PCDH15: variants seen among roughly 807,000 people sequenced by gnomAD.
PCDH15 encodes protocadherin-15.
A neutral mutation model predicts 178.5 loss-of-function variants in PCDH15; 129 were observed. The ratio of observed to expected loss-of-function variants is 0.72; its 90% confidence interval spans 0.63 to 0.84. PCDH15 has a LOEUF of 0.84. PCDH15 is among the 40% of genes least tolerant of loss of function. PCDH15 has a pLI of 0.00. For synonymous variants in PCDH15, 800 were observed against 732.0 expected, an observed-to-expected ratio of 1.09 and a Z score of -1.50; for missense variants, 2,230 against 2,099.9, an observed-to-expected ratio of 1.06 and a Z score of -1.21.
At position 54,153,082 on chromosome 10, in the gene PCDH15, G is replaced by T. The variant is rs374456898; in HGVS notation, c.1784+18C>A. The T allele has an allele frequency of 5.6e-6, 9 of 1,613,136 alleles. No individual in the cohort carries two copies. Among genetic ancestry groups the T allele is most frequent in the Admixed American group, 5.0e-5 (3 of 59,918 alleles). On this transcript the variant is annotated intron_variant, in intron 14 of 37. Transcript: ENST00000644397. Reference sequence around the variant, plus strand: ...ACGGGCCCGATGAAAAGACTGCATTGGTTCTAATATAAATTACCTTCGCTC... The same window carrying T: ...ACGGGCCCGATGAAAAGACTGCATTTGTTCTAATATAAATTACCTTCGCTC...
intron 2 of PCDH15, among the ~76,000 whole-genome samples, chr10:55,451,938 C>T (rs988201572): frequency 2.4e-4 from 37 of 152,172 alleles, no homozygotes; most frequent in Non-Finnish European, 5.9e-5. Flanking sequence ...GATATCACAA[C>T]ATATTCCAGG....
intron 1 of PCDH15, among the ~76,000 whole-genome samples, chr10:54,786,261 G>A (rs996334092): frequency 1.1e-4 from 16 of 151,948 alleles, no homozygotes; most frequent in Admixed American, 7.2e-4. Flanking sequence ...TTAAAGTCTC[G>A]AATGTAGCTT....
chr10:54,434,501 C>G (rs180877341), intron 3 of PCDH15, among the ~76,000 whole-genome samples: 3 of 152,288 alleles, frequency 2.0e-5, no homozygotes, highest in Admixed American at 2.0e-4. Context: ...TTATAGTTGG[C>G]TACAATTTCC....
In PCDH15 at chr10:54,074,372, C is replaced by T. The variant is rs146491221; in HGVS notation, c.2091+4959G>A. Among the ~76,000 whole-genome samples, 1,377 of 152,276 alleles carry T rather than the reference C, an allele frequency of 9.0e-3. 16 individuals carry two copies. The highest frequency in any genetic ancestry group is 0.032 in the African/African-American group (1,310 of 41,550). The stretch of plus-strand genomic sequence containing the variant: ...TTCTCTTTTCTTTATCCTCTGGCAA[C>T]CATCATTCTACTTTGAGTCTTTGTG... On this transcript the variant is annotated intron_variant, in intron 17 of 37. Transcript: ENST00000644397.
chr10:55,440,377 A>G (rs1298758059), intron 2 of PCDH15, among the ~76,000 whole-genome samples: 1 of 152,196 alleles, frequency 6.6e-6, no homozygotes, highest in Non-Finnish European at 1.5e-5. Context: ...ATGCATAAGA[A>G]TATAGAAAAG....
chr10:54,797,507 AACAC>A (rs71014418), intron 1 of PCDH15, among the ~76,000 whole-genome samples: 2,185 of 145,244 alleles, frequency 0.015, 22 homozygotes, highest in South Asian at 0.029. Flanking sequence ...TTATTGTTGA[AACAC>A]ACACACACAC....
chr10:54,365,024 C>G (rs1453178337), intron 5 of PCDH15, among the ~76,000 whole-genome samples: 1 of 152,096 alleles, frequency 6.6e-6, no homozygotes, highest in East Asian at 1.9e-4. Context: ...TTATCCAGTT[C>G]CTCTTCCCTT....
chr10:54,367,924 C>T (rs1589065583), intron 5 of PCDH15, among the ~76,000 whole-genome samples: 1 of 151,244 alleles, frequency 6.6e-6, no homozygotes, highest in African/African-American at 2.4e-5. Context: ...AGCACTCAAC[C>T]GAACAAAGCA....
chr10:55,290,764 A>G (rs940068284), intron 1 of PCDH15, among the ~76,000 whole-genome samples: 8 of 152,162 alleles, frequency 5.3e-5, no homozygotes, highest in Non-Finnish European at 1.2e-4. Flanking sequence ...ACAATAATAT[A>G]GAATTAGCCA....
chr10:55,171,428 A>G (rs72801675), intron 1 of PCDH15, among the ~76,000 whole-genome samples: 1 of 152,320 alleles, frequency 6.6e-6, no homozygotes, highest in Non-Finnish European at 1.5e-5. Flanking sequence ...CTAATGACTC[A>G]TAAATTGTGT....
chr10:54,858,971 G>A (rs900275095), intron 3 of PCDH15, among the ~76,000 whole-genome samples: 1 of 151,990 alleles, frequency 6.6e-6, no homozygotes, highest in African/African-American at 2.4e-5. Context: ...AGGTTTAAAG[G>A]AGACATATAC....
intron 1 of PCDH15, among the ~76,000 whole-genome samples, chr10:55,249,747 T>C (rs11004786): frequency 0.28 from 43,142 of 151,748 alleles, 6,309 homozygotes; most frequent in Middle Eastern, 0.37. Flanking sequence ...GAAAATAAAA[T>C]AAATATTGTC....
chr10:55,462,161 A>G (rs2132093815), intron 2 of PCDH15, among the ~76,000 whole-genome samples: 1 of 152,282 alleles, frequency 6.6e-6, no homozygotes, highest in Non-Finnish European at 1.5e-5. Flanking sequence ...TATAGTACAG[A>G]GTTTCATATA....
In PCDH15 at chr10:55,129,536, T is replaced by C. The variant is rs573035300; in HGVS notation, c.-80+37040A>G. Among the ~76,000 whole-genome samples the C allele has an allele frequency of 2.0e-5, 3 of 152,252 alleles. No homozygotes were observed. The East Asian group carries it at 5.8e-4, about 29-fold the overall frequency. Reference sequence around the variant, plus strand: ...TCGAAATCTACATAGTCAATTCTTCTCTCTTATGACAATAGTTCTTACCCA... The same window carrying C: ...TCGAAATCTACATAGTCAATTCTTCCCTCTTATGACAATAGTTCTTACCCA... On this transcript the variant is annotated intron_variant, in intron 2 of 5. Transcript: ENST00000458638.
chr10:54,577,192 C>T (rs1349847727), intron 2 of PCDH15, among the ~76,000 whole-genome samples: 3 of 151,902 alleles, frequency 2.0e-5, no homozygotes, highest in African/African-American at 7.3e-5. Context: ...AAGTGATTCT[C>T]CTGCCTCAGC....
At chr10:54,166,856 A>T (rs979909950) in intron 13 of PCDH15, among the ~76,000 whole-genome samples, 2 of 152,156 alleles carry the variant, frequency 1.3e-5, no homozygotes, top group Non-Finnish European at 2.9e-5. Context: ...AAGTGATGAC[A>T]TTACCTTGTG....
intron 2 of PCDH15, among the ~76,000 whole-genome samples, chr10:55,426,275 A>G (rs996229230): frequency 6.6e-6 from 1 of 152,040 alleles, no homozygotes; most frequent in Admixed American, 6.6e-5. Flanking sequence ...ACAGCTCTCA[A>G]CTCCTCGCAG....
chr10:54,151,344 G>A (rs936416167), intron 14 of PCDH15, among the ~76,000 whole-genome samples: 1 of 152,008 alleles, frequency 6.6e-6, no homozygotes, highest in Non-Finnish European at 1.5e-5. Flanking sequence ...AGCTTGAGAC[G>A]AGCCTGGGCA....
intron 1 of PCDH15, among the ~76,000 whole-genome samples, chr10:55,212,412 A>G (rs895040137): frequency 4.6e-5 from 7 of 152,100 alleles, no homozygotes; most frequent in African/African-American, 1.7e-4. Flanking sequence ...TCTTTTGCCT[A>G]TTAAACTTCC....
Sources: allele counts gnomAD v4.1 joint callset (sites outside exome capture counted in the v4.1 genomes callset), GRCh38; gene constraint gnomAD v4.1.1; transcripts MANE v1.5; gene names NCBI Gene and HGNC (gene_info 2026-07-23, HGNC 2026-07-21).